Variants in MEF2A observed in about 807,000 individuals in gnomAD.
MEF2A encodes myocyte enhancer factor 2A, also known as myocyte-specific enhancer factor 2A.
In MEF2A, 28 loss-of-function variants were observed where a neutral mutation model predicts 55.8. The ratio of observed to expected loss-of-function variants is 0.50; its 90% CI spans 0.37 to 0.69. MEF2A has a LOEUF of 0.69. Ranked by LOEUF, MEF2A falls within the 30% of genes least tolerant of loss-of-function variation. The probability of loss-of-function intolerance (pLI) is 0.00; values close to 1 mark genes in which losing one functional copy is unlikely to be tolerated. For missense variants in MEF2A, 528 were observed against 626.2 expected (o/e 0.84, Z 1.67); for synonymous variants, 239 against 227.1 (o/e 1.05, Z -0.47).
At chr15:99,581,435 C>T (rs1355295892) in intron 1 of MEF2A, among the ~76,000 whole-genome samples, 6 of 150,762 alleles carry the variant, frequency 4.0e-5, no homozygotes, top group African/African-American at 1.2e-4. Context: ...TTCATAGTTT[C>T]CACAAGTCTT....
At chr15:99,574,127 C>G (rs1963475188) in intron 1 of MEF2A, among the ~76,000 whole-genome samples, 1 of 152,044 alleles carries the variant, frequency 6.6e-6, no homozygotes, top group South Asian at 2.1e-4. Context: ...CCATTTATAT[C>G]TGCCGCAGAT....
chr15:99,575,578 A>G (rs960873991), intron 1 of MEF2A, among the ~76,000 whole-genome samples: 1 of 152,204 alleles, frequency 6.6e-6, no homozygotes, highest in African/African-American at 2.4e-5. Flanking sequence ...TTTACCTGCT[A>G]GTTTTCTCTA....
At chr15:99,643,816 C>T (rs952426353) in intron 3 of MEF2A, among the ~76,000 whole-genome samples, 1 of 152,144 alleles carries the variant, frequency 6.6e-6, no homozygotes, top group Non-Finnish European at 1.5e-5. Context: ...TGGTCTCCAT[C>T]TCCTGAGCTC....
intron 7 of MEF2A, among the ~76,000 whole-genome samples, chr15:99,682,217 A>G (rs981867036): frequency 7.2e-5 from 11 of 152,236 alleles, no homozygotes; most frequent in Non-Finnish European, 1.5e-4. Context: ...TTGAAATATG[A>G]GCCAGACTGA....
Position 99,584,096 on chromosome 15 carries a change from A to C in MEF2A, c.-224-14334A>C, listed in dbSNP as rs541552426. ...GTATCTAAACATATCTAAACGTGGA[A>C]AGGGTACAGTAAAAATATGGTATAA... is the stretch of plus-strand genomic sequence containing the variant. On this transcript the variant is annotated intron_variant, in intron 1 of 11. Coordinates refer to ENST00000557942, the MANE Select transcript of MEF2A (RefSeq NM_001319206.4). 3.3e-5 allele frequency among the ~76,000 whole-genome samples: 5 copies of C among 152,292 alleles called. 1 individual carries two copies. Among genetic ancestry groups the C allele is most frequent in the African/African-American group, 1.2e-4 (5 of 41,574 alleles).
chr15:99,641,488 C>T (rs113554858), intron 3 of MEF2A, among the ~76,000 whole-genome samples: 2 of 152,208 alleles, frequency 1.3e-5, no homozygotes, highest in East Asian at 3.9e-4. Flanking sequence ...CTTTGGGAGG[C>T]CGAGGCGGGC....
intron 8 of MEF2A, among the ~76,000 whole-genome samples, chr15:99,698,791 T>C (rs2056906760): frequency 6.7e-6 from 1 of 149,110 alleles, no homozygotes; most frequent in Non-Finnish European, 1.5e-5. Flanking sequence ...AAACTCTGTC[T>C]CAAAAAAAAA....
chr15:99,643,666 A>C (rs1434591631), intron 3 of MEF2A, among the ~76,000 whole-genome samples: 1 of 148,516 alleles, frequency 6.7e-6, no homozygotes, highest in East Asian at 2.0e-4. Context: ...ATCTCGGCTC[A>C]CTGCAAGCTC....
At chr15:99,707,031 G>T (rs1449970859) in intron 10 of MEF2A, among the ~76,000 whole-genome samples, 176 bp downstream of exon 10, 1 of 152,148 alleles carries the variant, frequency 6.6e-6, no homozygotes, top group South Asian at 2.1e-4. Flanking sequence ...AAACAAAATG[G>T]ATAGTGTGGA....
chr15:99,659,482 A>AT (rs1258239970), intron 4 of MEF2A, among the ~76,000 whole-genome samples: 3 of 152,212 alleles, frequency 2.0e-5, no homozygotes, highest in Non-Finnish European at 4.4e-5. Flanking sequence ...CATACACAGT[A>AT]AACATTCTCT....
chr15:99,581,373 A>T (rs554998447), intron 1 of MEF2A, among the ~76,000 whole-genome samples: 1 of 151,708 alleles, frequency 6.6e-6, no homozygotes, highest in Admixed American at 6.6e-5. Flanking sequence ...GTCGGTCTCT[A>T]TGCCCATGTG....
intron 3 of MEF2A, 98 bp downstream of exon 3, chr15:99,633,271 G>A: frequency 1.3e-6 from 1 of 797,728 alleles, no homozygotes; most frequent in Non-Finnish European, 1.8e-6. Context: ...TTAATTTTAA[G>A]TCTAAATATT....
chr15:99,687,327 T>C (rs1439128160), intron 7 of MEF2A, among the ~76,000 whole-genome samples: 1 of 152,122 alleles, frequency 6.6e-6, no homozygotes, highest in Non-Finnish European at 1.5e-5. Context: ...CACTCAGTTT[T>C]TGTTAGTCCT....
chr15:99,701,721 A>G (rs537109909), intron 8 of MEF2A, among the ~76,000 whole-genome samples: 2 of 152,370 alleles, frequency 1.3e-5, no homozygotes, highest in East Asian at 3.9e-4. Context: ...TAAAATATAT[A>G]CATACATACA....
intron 4 of MEF2A, among the ~76,000 whole-genome samples, chr15:99,661,065 A>G (rs2048536530): frequency 6.6e-6 from 1 of 152,202 alleles, no homozygotes; most frequent in Non-Finnish European, 1.5e-5. Flanking sequence ...TACCAATGGA[A>G]TAATAGCTCA....
chr15:99,577,957 G>A (rs1310693954), intron 1 of MEF2A, among the ~76,000 whole-genome samples: 3 of 152,164 alleles, frequency 2.0e-5, no homozygotes, highest in Admixed American at 1.3e-4. Flanking sequence ...AGGGGCTACA[G>A]GATGTCACTG....
intron 3 of MEF2A, among the ~76,000 whole-genome samples, chr15:99,644,783 T>C (rs538572422): frequency 6.6e-6 from 1 of 152,210 alleles, no homozygotes; most frequent in Admixed American, 6.5e-5. Flanking sequence ...TCCTTTCCCA[T>C]CCCGTATTAG....
intron 1 of MEF2A, among the ~76,000 whole-genome samples, chr15:99,571,589 G>A (rs1962325882): frequency 2.0e-5 from 3 of 152,128 alleles, no homozygotes; most frequent in Admixed American, 6.6e-5. Flanking sequence ...AAGGCCATAT[G>A]TTTTCATACT....
At chr15:99,565,513 C>G (rs1023472420), upstream of MEF2A, 2 of 150,634 alleles carry the variant, frequency 1.3e-5, no homozygotes, top group Non-Finnish European at 3.0e-5. Context: ...GCGGGGGCGG[C>G]AGGGCGCGAC....
Sources: gnomAD v4.1 joint callset for allele counts (sites outside exome capture counted in the v4.1 genomes callset) on GRCh38, gnomAD v4.1.1 for gene constraint, MANE v1.5 for transcripts, NCBI Gene and HGNC (gene_info 2026-07-23, HGNC 2026-07-21) for gene names.